VAPA: variants seen among roughly 807,000 people sequenced by gnomAD.
The protein encoded by VAPA is vesicle-associated membrane protein-associated protein A.
VAPA carries 6 observed loss-of-function variants against 25.6 expected under a neutral mutation model. That is an observed-to-expected ratio of 0.23 (90% confidence interval 0.13 to 0.46). The LOEUF (loss-of-function observed/expected upper bound fraction) is 0.46. Among genes scored for constraint, VAPA ranks in the 20% least tolerant of loss-of-function variants. The pLI, the probability that VAPA is intolerant of heterozygous loss-of-function variation, is 0.99. For synonymous variants in VAPA, 112 were observed against 106.2 expected, an observed-to-expected ratio of 1.05 and a Z score of -0.34; for missense variants, 244 against 302.1, an observed-to-expected ratio of 0.81 and a Z score of 1.43.
chr18:9,921,409 A>C (rs2069155776), intron 1 of VAPA, among the ~76,000 whole-genome samples: 1 of 152,188 alleles, frequency 6.6e-6, no homozygotes, highest in South Asian at 2.1e-4. Flanking sequence ...AATATATGAC[A>C]ATTGAGTACA....
At chr18:9,919,031 G>A (rs921946481) in intron 1 of VAPA, among the ~76,000 whole-genome samples, 17 of 152,108 alleles carry the variant, frequency 1.1e-4, no homozygotes, top group African/African-American at 3.4e-4. Context: ...AGGACTATAG[G>A]TGCATGCTAC....
intron 1 of VAPA, among the ~76,000 whole-genome samples, chr18:9,918,557 G>A (rs1235385309): frequency 6.6e-6 from 1 of 152,060 alleles, no homozygotes; most frequent in Admixed American, 6.5e-5. Flanking sequence ...TTCTATAACA[G>A]CATTGTCTTC....
chr18:9,942,476 C>G (rs529674721), intron 4 of VAPA, among the ~76,000 whole-genome samples: 9 of 152,228 alleles, frequency 5.9e-5, no homozygotes, highest in African/African-American at 7.2e-5. Context: ...CCCCAGCCCC[C>G]CCTTCCTGTA....
chr18:9,936,282 A>G (rs2069309255), intron 3 of VAPA, 69 bp downstream of exon 3: 1 of 992,196 alleles, frequency 1.0e-6, no homozygotes, highest in Non-Finnish European at 1.4e-6. Context: ...AGCAGTCAGT[A>G]GAAAAACTTA....
intron 1 of VAPA, among the ~76,000 whole-genome samples, chr18:9,929,404 A>G (rs1162159108): frequency 6.6e-6 from 1 of 152,160 alleles, no homozygotes; most frequent in African/African-American, 2.4e-5. Context: ...ATCTTAAGGT[A>G]GATTTCTTCA....
At chr18:9,948,135 AT>A (rs1170609252) in intron 4 of VAPA, 8 of 152,184 alleles carry the variant, frequency 5.3e-5, no homozygotes, top group Non-Finnish European at 1.2e-4. Flanking sequence ...GCAGTATAAC[AT>A]TTTTAAGAGA....
At chr18:9,943,712 A>G (rs188422119) in intron 4 of VAPA, among the ~76,000 whole-genome samples, 245 of 151,826 alleles carry the variant, frequency 1.6e-3, no homozygotes, top group African/African-American at 5.7e-3. Flanking sequence ...AAGTTTTATG[A>G]CCTATTCAGT....
chr18:9,957,452 A>G lies in VAPA; in HGVS notation c.*3241A>G. ...AAACAAGTTTTAACAGTAGGGTAAA[A>G]ATATAGTTTTTGAGGGTATTCCCAA... On this transcript the variant is annotated 3_prime_UTR_variant, in exon 6 of 6. Coordinates refer to ENST00000400000, the MANE Select transcript of VAPA (RefSeq NM_194434.3). The G allele has an allele frequency of 6.6e-6, 1 of 152,206 alleles. No individual in the cohort carries two copies. Among genetic ancestry groups the G allele is most frequent in the East Asian group, 1.9e-4 (1 of 5,200 alleles). The allele number at this position is 152,206 out of a possible 1,614,324, so 9.4% of individuals were successfully genotyped here. A position where few individuals can be genotyped will look rare whatever the true frequency, so the allele number is the denominator to read the frequency against.
chr18:9,940,655 A>T (rs979348332), intron 4 of VAPA, among the ~76,000 whole-genome samples: 4 of 152,168 alleles, frequency 2.6e-5, no homozygotes, highest in African/African-American at 9.7e-5. Flanking sequence ...TGATCCTGAG[A>T]AGAATGGGCG....
At chr18:9,919,007 C>G (rs1207703826) in intron 1 of VAPA, among the ~76,000 whole-genome samples, 1 of 152,088 alleles carries the variant, frequency 6.6e-6, no homozygotes, top group Non-Finnish European at 1.5e-5. Context: ...CTCAAGTGAT[C>G]CTCCTGAATA....
chr18:9,930,599 G>A (rs759395552), intron 1 of VAPA, among the ~76,000 whole-genome samples: 7 of 151,990 alleles, frequency 4.6e-5, no homozygotes, highest in South Asian at 2.1e-4. Flanking sequence ...GGTTGAAGAA[G>A]CAGCAAGGGT....
chr18:9,919,243 TAATTAA>T (rs1310109902), intron 1 of VAPA, among the ~76,000 whole-genome samples: 1 of 152,258 alleles, frequency 6.6e-6, no homozygotes, highest in Non-Finnish European at 1.5e-5. Flanking sequence ...GCATATCTAA[TAATTAA>T]AATCTGTGTT....
At chr18:9,948,070 A>G (rs1453060754) in intron 4 of VAPA, 3 of 152,086 alleles carry the variant, frequency 2.0e-5, no homozygotes, top group African/African-American at 4.8e-5. Context: ...TTTGCATTCT[A>G]TTCTGTTTAT....
At chr18:9,945,106 G>GT in intron 4 of VAPA, 1 of 1,597,920 alleles carries the variant, frequency 6.3e-7, no homozygotes, top group Non-Finnish European at 8.6e-7. Context: ...AGTGTCAATG[G>GT]TTAAGTTAAT....
At chr18:9,944,195 TGAA>T (rs2069397683) in intron 4 of VAPA, among the ~76,000 whole-genome samples, 1 of 152,084 alleles carries the variant, frequency 6.6e-6, no homozygotes, top group South Asian at 2.1e-4. Context: ...TTTTTTTAAA[TGAA>T]GACTGAGGGG....
intron 4 of VAPA, among the ~76,000 whole-genome samples, chr18:9,946,226 A>T (rs139003659): frequency 1.1e-4 from 17 of 152,314 alleles, no homozygotes; most frequent in African/African-American, 3.8e-4. Flanking sequence ...TTGTTAGGTG[A>T]TGTGTTGTAT....
chr18:9,947,047 A>G (rs541100981), intron 4 of VAPA, among the ~76,000 whole-genome samples: 1 of 152,176 alleles, frequency 6.6e-6, no homozygotes, highest in Non-Finnish European at 1.5e-5. Context: ...CCACCTCCAC[A>G]TCCTGTCTCA....
intron 1 of VAPA, chr18:9,924,156 TC>T (rs2069180743): frequency 6.6e-6 from 1 of 152,138 alleles, no homozygotes; most frequent in Non-Finnish European, 1.5e-5. Context: ...TGTTATATTT[TC>T]CCCTAGCAAA....
chr18:9,930,024 C>G (rs559465180), intron 1 of VAPA, among the ~76,000 whole-genome samples: 10 of 152,012 alleles, frequency 6.6e-5, no homozygotes, highest in African/African-American at 1.7e-4. Context: ...TTTCAGAATT[C>G]GTACAACTCT....
Sources: allele counts gnomAD v4.1 joint callset (sites outside exome capture counted in the v4.1 genomes callset), GRCh38; gene constraint gnomAD v4.1.1; transcripts MANE v1.5; gene names NCBI Gene and HGNC (gene_info 2026-07-23, HGNC 2026-07-21).